Variants in ANKS1B observed in about 807,000 individuals in gnomAD.
ANKS1B encodes ankyrin repeat and sterile alpha motif domain containing 1B.
ANKS1B carries 36 observed loss-of-function variants against 148.3 expected under a neutral mutation model. That is an observed-to-expected ratio of 0.24 (90% CI 0.19 to 0.32). ANKS1B has a LOEUF of 0.32. Ranked by LOEUF, ANKS1B falls within the 10% of genes least tolerant of loss-of-function variation. ANKS1B has a pLI of 1.00. For synonymous variants in ANKS1B, 542 were observed against 560.8 expected, an observed-to-expected ratio of 0.97 and a Z score of 0.47; for missense variants, 1,157 against 1,542.6, an observed-to-expected ratio of 0.75 and a Z score of 4.19.
intron 21 of ANKS1B, 124 bp downstream of exon 21, chr12:98,800,873 A>G (rs2098999345): frequency 1.6e-6 from 2 of 1,222,046 alleles, no homozygotes; most frequent in Non-Finnish European, 2.2e-6. Flanking sequence ...GAAGAGAAAA[A>G]CATTTTAAAA....
intron 12 of ANKS1B, among the ~76,000 whole-genome samples, chr12:99,309,469 A>C (rs908018229): frequency 2.6e-5 from 4 of 151,962 alleles, no homozygotes; most frequent in Non-Finnish European, 5.9e-5. Context: ...TTATCAGCTG[A>C]AAGTCATGCT....
At chr12:99,340,945 A>G (rs559701757) in intron 12 of ANKS1B, among the ~76,000 whole-genome samples, 1 of 152,248 alleles carries the variant, frequency 6.6e-6, no homozygotes, top group East Asian at 1.9e-4. Flanking sequence ...ATCTCAATAT[A>G]TATATTTAAA....
At chr12:99,943,849 T>C (rs192170149) in intron 1 of ANKS1B, among the ~76,000 whole-genome samples, 1 of 152,230 alleles carries the variant, frequency 6.6e-6, no homozygotes, top group East Asian at 1.9e-4. Context: ...GGGATACATG[T>C]GCAGAACATG....
intron 12 of ANKS1B, among the ~76,000 whole-genome samples, chr12:99,366,553 T>C (rs547609834): frequency 4.9e-4 from 75 of 152,206 alleles, no homozygotes; most frequent in African/African-American, 1.6e-3. Context: ...CAGGTATATA[T>C]AGAAATTGGG....
At chr12:99,739,347 G>A (rs1227972221) in intron 8 of ANKS1B, among the ~76,000 whole-genome samples, 2 of 127,214 alleles carry the variant, frequency 1.6e-5, no homozygotes, top group African/African-American at 3.0e-5. Context: ...TTTTTTGGGG[G>A]GGGCGGGGCC....
intron 1 of ANKS1B, among the ~76,000 whole-genome samples, chr12:99,878,067 C>A (rs1445433854): frequency 6.6e-6 from 1 of 152,016 alleles, no homozygotes; most frequent in Non-Finnish European, 1.5e-5. Flanking sequence ...AACAAACAAA[C>A]AACAACAAAC....
At chr12:99,051,349 G>A (rs984835392) in intron 17 of ANKS1B, among the ~76,000 whole-genome samples, 1 of 152,208 alleles carries the variant, frequency 6.6e-6, no homozygotes, top group East Asian at 1.9e-4. Flanking sequence ...CTAGCTAGGT[G>A]AGTGATTCAT....
At chr12:99,075,811 CA>C (rs1041285323) in intron 16 of ANKS1B, among the ~76,000 whole-genome samples, 24 of 140,308 alleles carry the variant, frequency 1.7e-4, no homozygotes, top group East Asian at 6.4e-4. Context: ...TAATATACAA[CA>C]AAAAATGTAT....
rs528064387 is a variant in ANKS1B at position 99,393,041 on chromosome 12, T to G, written c.1756+6590A>C. 1.1e-4 allele frequency among the ~76,000 whole-genome samples: 17 copies of G among 152,180 alleles called. 1 individual carries two copies. In the East Asian group the frequency reaches 2.1e-3, roughly 19 times the overall value. ...CCCTTTTATTTTCTTATATCCTACC[T>G]CCAATTCATCCAAATATATATGTAG... On this transcript the variant is annotated intron_variant, in intron 12 of 26. Coordinates refer to ENST00000683438, the MANE Select transcript of ANKS1B (RefSeq NM_001352186.2).
At chr12:99,951,698 G>T (rs1159686193) in intron 1 of ANKS1B, among the ~76,000 whole-genome samples, 2 of 146,580 alleles carry the variant, frequency 1.4e-5, no homozygotes, top group African/African-American at 2.6e-5. Context: ...AACATAGCAA[G>T]ACCTTGCCTC....
chr12:99,338,448 G>A (rs1409054054), intron 12 of ANKS1B, among the ~76,000 whole-genome samples: 2 of 152,128 alleles, frequency 1.3e-5, no homozygotes, highest in East Asian at 1.9e-4. Context: ...GCCCAGGGAA[G>A]GTCCAGAAAT....
At chr12:98,820,774 G>A (rs994148395) in intron 19 of ANKS1B, among the ~76,000 whole-genome samples, 1 of 152,052 alleles carries the variant, frequency 6.6e-6, no homozygotes, top group African/African-American at 2.4e-5. Flanking sequence ...AACATGAATA[G>A]GAGCTTCTTG....
At chr12:99,372,123 T>C (rs533224743) in intron 12 of ANKS1B, among the ~76,000 whole-genome samples, 122 of 152,078 alleles carry the variant, frequency 8.0e-4, no homozygotes, top group Non-Finnish European at 1.3e-3. Flanking sequence ...ACTGTAACTA[T>C]GGAGTTTGGG....
chr12:99,143,758 A>C lies in ANKS1B; in HGVS notation c.2526+10531T>G, dbSNP rs911025893. 1.2e-4 allele frequency among the ~76,000 whole-genome samples: 19 copies of C among 152,100 alleles called. No individual in the cohort carries two copies. In the South Asian group the frequency reaches 2.7e-3, roughly 22 times the overall value. ...AAGTTTCCTTAGTCTAGACTGCTTAATATCTGTATAAGGCCATTTTTTTCT... is the reference window on the plus strand; with the variant it reads ...AAGTTTCCTTAGTCTAGACTGCTTACTATCTGTATAAGGCCATTTTTTTCT... On this transcript the variant is annotated intron_variant, in intron 15 of 26. Coordinates refer to ENST00000683438, the MANE Select transcript of ANKS1B (RefSeq NM_001352186.2).
intron 9 of ANKS1B, among the ~76,000 whole-genome samples, chr12:99,563,242 G>A (rs10745860): frequency 0.5 from 76,027 of 151,998 alleles, 19,560 homozygotes; most frequent in East Asian, 0.61. Flanking sequence ...TTTCCTTTGC[G>A]TTTACAATTT....
intron 14 of ANKS1B, among the ~76,000 whole-genome samples, chr12:99,182,604 T>C (rs1279396295): frequency 6.6e-6 from 1 of 152,194 alleles, no homozygotes; most frequent in Non-Finnish European, 1.5e-5. Flanking sequence ...CTATTATGAA[T>C]AGTGCTACAA....
intron 9 of ANKS1B, among the ~76,000 whole-genome samples, chr12:99,596,958 A>G (rs1452838248): frequency 6.6e-6 from 1 of 151,948 alleles, no homozygotes; most frequent in African/African-American, 2.4e-5. Context: ...TAGGAGTGGA[A>G]TTGCTGAGTC....
At chr12:98,807,775 T>C (rs1044640001) in intron 20 of ANKS1B, 69 bp downstream of exon 20, 14 of 1,383,084 alleles carry the variant, frequency 1.0e-5, no homozygotes, top group Non-Finnish European at 1.4e-5. Flanking sequence ...CCTATAGCTG[T>C]TGACAACACT....
intron 14 of ANKS1B, among the ~76,000 whole-genome samples, chr12:99,195,199 G>C (rs565713264): frequency 6.6e-6 from 1 of 152,086 alleles, no homozygotes; most frequent in Non-Finnish European, 1.5e-5. Context: ...AGCTAGCTGA[G>C]AATTTTAAAT....
Sources: gnomAD v4.1 joint callset for allele counts (sites outside exome capture counted in the v4.1 genomes callset) on GRCh38, gnomAD v4.1.1 for gene constraint, MANE v1.5 for transcripts, NCBI Gene and HGNC (gene_info 2026-07-23, HGNC 2026-07-21) for gene names.